IL1B: variants seen among roughly 807,000 people sequenced by gnomAD.
IL1B encodes the protein interleukin 1 beta.
A neutral mutation model predicts 26.2 loss-of-function variants in IL1B; 11 were observed. The ratio of observed to expected loss-of-function variants is 0.42; its 90% CI spans 0.26 to 0.70. IL1B has a LOEUF of 0.70. Among genes scored for constraint, IL1B ranks in the 30% least tolerant of loss-of-function variants. The probability of loss-of-function intolerance (pLI) is 0.25; values close to 1 mark genes in which losing one functional copy is unlikely to be tolerated. For synonymous variants in IL1B, 118 were observed against 120.8 expected, an observed-to-expected ratio of 0.98 and a Z score of 0.15; for missense variants, 255 against 327.5, an observed-to-expected ratio of 0.78 and a Z score of 1.71.
Position 112,830,152 on chromosome 2 carries a change from G to C in IL1B, c.*209C>G, listed in dbSNP as rs1681952954. Reference sequence around the variant, plus strand: ...GAGGCCTGGCTCAACAAAAGGGCTGGGGATTGGCCCTGAAAGGAGAGAGCT... The same window carrying C: ...GAGGCCTGGCTCAACAAAAGGGCTGCGGATTGGCCCTGAAAGGAGAGAGCT... On this transcript the variant is annotated 3_prime_UTR_variant, in exon 7 of 7. Coordinates refer to ENST00000263341, the MANE Select transcript of IL1B (RefSeq NM_000576.3). 5.2e-6 allele frequency: 3 copies of C among 574,844 alleles called. No individual in the cohort carries two copies. Among genetic ancestry groups the C allele is most frequent in the Non-Finnish European group, 9.3e-6 (3 of 321,322 alleles). 35.6% of individuals were successfully genotyped at this position (574,844 alleles called of 1,614,324 possible). A position where few individuals can be genotyped will look rare whatever the true frequency, so the allele number is the denominator to read the frequency against.
At chr2:112,830,945 T>C (rs1288070858) in intron 6 of IL1B, among the ~76,000 whole-genome samples, 1 of 151,952 alleles carries the variant, frequency 6.6e-6, no homozygotes, top group Non-Finnish European at 1.5e-5. Context: ...CTGGAGGTGA[T>C]AGTGGTGGTA....
intron 5 of IL1B, among the ~76,000 whole-genome samples, chr2:112,832,050 A>C (rs1681994140): frequency 6.6e-6 from 1 of 152,224 alleles, no homozygotes. Flanking sequence ...GCTGTCCTTC[A>C]AAGTCAGCAG....
intron 6 of IL1B, chr2:112,831,058 G>T (rs767858970): frequency 3.1e-5 from 16 of 514,786 alleles, no homozygotes; most frequent in Non-Finnish European, 1.4e-5. Flanking sequence ...AATCTGTTGG[G>T]GTTGTAACTA....
In IL1B at chr2:112,830,228, G is replaced by A; in HGVS notation, c.*133C>T. 1 of 758,270 alleles carries A rather than the reference G, an allele frequency of 1.3e-6. No homozygotes were observed. The highest frequency in any genetic ancestry group is 2.4e-6 in the Non-Finnish European group (1 of 424,246). The allele number at this position is 758,270 out of a possible 1,614,324, so 47.0% of individuals were successfully genotyped here. ...ATCCTCTTAGCACTACCCTAAGGCA[G>A]GCAGTTGGGCATTGGTGTAGACAAC... is the stretch of plus-strand genomic sequence containing the variant. On this transcript the variant is annotated 3_prime_UTR_variant, in exon 7 of 7. Coordinates refer to ENST00000263341, the MANE Select transcript of IL1B (RefSeq NM_000576.3).
intron 4 of IL1B, 97 bp from the exon 5 acceptor site, chr2:112,832,923 C>T: frequency 8.6e-7 from 1 of 1,161,442 alleles, no homozygotes; most frequent in South Asian, 1.2e-5. Flanking sequence ...GACACCTGAG[C>T]ATATACGGTC....
At chr2:112,832,519 C>G (rs1682005450) in intron 5 of IL1B, 143 bp downstream of exon 5, 3 of 894,782 alleles carry the variant, frequency 3.4e-6, no homozygotes, top group Non-Finnish European at 5.4e-6. Flanking sequence ...TTTCTAGGAC[C>G]AAAGTTTGTA....
intron 4 of IL1B, 115 bp downstream of exon 4, chr2:112,833,259 C>G (rs1014450327): frequency 5.3e-6 from 5 of 941,054 alleles, no homozygotes; most frequent in Non-Finnish European, 6.8e-6. Context: ...TTTGTCTCCC[C>G]GCTGGGCCTT....
At chr2:112,835,691 C>T in intron 2 of IL1B, 74 bp from the exon 3 acceptor site, 1 of 1,296,556 alleles carries the variant, frequency 7.7e-7, no homozygotes, top group African/African-American at 1.5e-5. Flanking sequence ...GTGTACAAGA[C>T]TTGACTGTTC....
intron 4 of IL1B, 78 bp downstream of exon 4, chr2:112,833,296 G>A: frequency 7.2e-7 from 1 of 1,386,364 alleles, no homozygotes; most frequent in East Asian, 2.3e-5. Flanking sequence ...TTGGCTCTGG[G>A]GGAATTGAGT....
Position 112,833,217 on chromosome 2 carries a change from A to G in IL1B, c.301+157T>C. On this transcript the variant is annotated intron_variant, in intron 4 of 6. Transcript: ENST00000263341. The stretch of plus-strand genomic sequence containing the variant: ...TCTTTAAGAATAGTTTCCACTAAAG[A>G]GATGATTGCTTTGGTTTCCAGCCTT... The G allele has an allele frequency of 5.5e-6, 4 of 728,592 alleles. No homozygotes were observed. In the Admixed American group the frequency reaches 8.3e-5, roughly 15 times the overall value. 45.1% of individuals were successfully genotyped at this position (728,592 alleles called of 1,614,324 possible). A position where few individuals can be genotyped will look rare whatever the true frequency, so the allele number is the denominator to read the frequency against.
intron 1 of IL1B, chr2:112,836,454 G>A: frequency 1.9e-6 from 1 of 514,914 alleles, no homozygotes; most frequent in South Asian, 1.9e-5. Context: ...AGCTGGAGCA[G>A]AGGCTTTGAC....
Position 112,832,659 on chromosome 2 carries a change from T to A in IL1B, c.466+3A>T. 6.2e-7 allele frequency: 1 copy of A among 1,614,172 alleles called. No homozygotes were observed. Among genetic ancestry groups the A allele is most frequent in the Non-Finnish European group, 8.5e-7 (1 of 1,179,986 alleles). On this transcript the variant is annotated splice_donor_region_variant and intron_variant, in intron 5 of 6. Transcript: ENST00000263341. Reference sequence around the variant, plus strand: ...GCAGGGAAACCAGGATGTTTCCATTTACCTTGTTGCTCCATATCCTGTCCC... The same window carrying A: ...GCAGGGAAACCAGGATGTTTCCATTAACCTTGTTGCTCCATATCCTGTCCC...
rs1681956417 is a variant in IL1B, at chr2:112,830,385, G to A, written c.786C>T (p.Phe262=). 6 of 1,614,132 alleles carry A rather than the reference G, an allele frequency of 3.7e-6. No homozygotes were observed. Among genetic ancestry groups the A allele is most frequent in the Non-Finnish European group, 5.1e-6 (6 of 1,179,990 alleles). Residue 262 remains phenylalanine, a synonymous_variant, in exon 7 of 7, where the codon TTC becomes TTT. Transcript: ENST00000263341. ...TTTAGGAAGACACAAATTGCATGGT[G>A]AAGTCAGTTATATCCTGGCCGCCTT... is the stretch of plus-strand genomic sequence containing the variant. The part of the protein sequence containing the change: ...GTKGGQDITD[F]TMQFVSS
chr2:112,831,169 C>A (rs1328047504), intron 6 of IL1B, 123 bp downstream of exon 6: 2 of 1,111,378 alleles, frequency 1.8e-6, no homozygotes, highest in African/African-American at 3.1e-5. Context: ...TACATTAATG[C>A]AAAATTGTCA....
chr2:112,830,678 A>G, intron 6 of IL1B, 105 bp from the exon 7 acceptor site: 3 of 806,444 alleles, frequency 3.7e-6, no homozygotes, highest in South Asian at 1.4e-5. Context: ...AGCAGGTCAC[A>G]TGATCAGGAG....
At chr2:112,831,480 C>T in intron 5 of IL1B, 58 bp from the exon 6 acceptor site, 2 of 1,599,006 alleles carry the variant, frequency 1.3e-6, no homozygotes, top group Non-Finnish European at 1.7e-6. Context: ...TCACCCCAAC[C>T]CCTAGGCCCC....
At chr2:112,831,124 G>A (rs1341135343) in intron 6 of IL1B, 168 bp downstream of exon 6, 3 of 723,962 alleles carry the variant, frequency 4.1e-6, no homozygotes, top group Non-Finnish European at 7.3e-6. Flanking sequence ...CAGGATTGAA[G>A]GTTGCACGCA....
chr2:112,831,800 T>C (rs1320683171), intron 5 of IL1B, among the ~76,000 whole-genome samples: 1 of 152,196 alleles, frequency 6.6e-6, no homozygotes, highest in Non-Finnish European at 1.5e-5. Context: ...GAGGTGAAGC[T>C]GTACTTCTGC....
chr2:112,832,931 G>T, intron 4 of IL1B, 105 bp from the exon 5 acceptor site: 1 of 1,083,082 alleles, frequency 9.2e-7, no homozygotes, highest in Non-Finnish European at 1.4e-6. Flanking sequence ...AGCATATACG[G>T]TCAAAGTCTG....
Sources: gnomAD v4.1 joint callset for allele counts (sites outside exome capture counted in the v4.1 genomes callset) on GRCh38, gnomAD v4.1.1 for gene constraint, MANE v1.5 for transcripts, NCBI Gene and HGNC (gene_info 2026-07-23, HGNC 2026-07-21) for gene names.